CALN1: variants seen among roughly 807,000 people sequenced by gnomAD.
CALN1 encodes calcium-binding protein 8.
CALN1 carries 17 observed loss-of-function variants against 30.6 expected under a neutral mutation model. The observed-to-expected ratio is 0.56, with a 90% CI of 0.38 to 0.83. The LOEUF (loss-of-function observed/expected upper bound fraction) is 0.83, where lower values mean the gene tolerates loss of function less well. Ranked by LOEUF, CALN1 falls within the 40% of genes least tolerant of loss-of-function variation. CALN1 has a pLI of 0.00. For synonymous variants in CALN1, 156 were observed against 131.4 expected (o/e 1.19, Z -1.28); for missense variants, 291 against 354.9 (o/e 0.82, Z 1.45).
At chr7:72,110,342 G>A (rs1361874071) in intron 3 of CALN1, among the ~76,000 whole-genome samples, 3 of 152,210 alleles carry the variant, frequency 2.0e-5, no homozygotes, top group Non-Finnish European at 2.9e-5. Context: ...GATTTAGCAA[G>A]TCAGACCATA....
chr7:71,966,609 A>G (rs1797541156), intron 5 of CALN1, among the ~76,000 whole-genome samples: 1 of 152,154 alleles, frequency 6.6e-6, no homozygotes, highest in Non-Finnish European at 1.5e-5. Context: ...AAGTTTCCTG[A>G]GGCTTTTTCA....
In CALN1 at chr7:72,426,959, C is replaced by T. The variant is rs557432857; in HGVS notation, c.-225-14684G>A. 2.2e-4 allele frequency among the ~76,000 whole-genome samples: 34 copies of T among 152,242 alleles called. No homozygotes were observed. In the South Asian group the frequency reaches 6.4e-3, roughly 29 times the overall value. On this transcript the variant is annotated intron_variant, in intron 1 of 6. Transcript: ENST00000395276. ...CCACAGGAGCCCCCCATTGGCCTTC[C>T]TGCCTATTGTCTGCAGAATCAGAGC...
intron 5 of CALN1, among the ~76,000 whole-genome samples, chr7:71,923,153 G>T (rs1042363337): frequency 6.6e-6 from 1 of 151,658 alleles, no homozygotes; most frequent in Non-Finnish European, 1.5e-5. Flanking sequence ...GTTCTTTGTT[G>T]GTAAACAAGT....
chr7:72,285,564 A>T (rs954730283), intron 2 of CALN1, among the ~76,000 whole-genome samples: 8 of 152,184 alleles, frequency 5.3e-5, no homozygotes, highest in African/African-American at 1.9e-4. Context: ...TTTTTAAAGT[A>T]TCAGTCTACA....
chr7:72,145,513 C>T (rs1453031640), intron 3 of CALN1, among the ~76,000 whole-genome samples: 1 of 152,138 alleles, frequency 6.6e-6, no homozygotes, highest in African/African-American at 2.4e-5. Flanking sequence ...CAGGACCAGA[C>T]AGATTCACAG....
chr7:72,005,399 G>A (rs1053100156), intron 5 of CALN1, among the ~76,000 whole-genome samples: 3 of 152,096 alleles, frequency 2.0e-5, no homozygotes, highest in African/African-American at 7.2e-5. Context: ...CGTGATCACG[G>A]CTCACTACAG....
upstream of CALN1, among the ~76,000 whole-genome samples, chr7:72,449,386 G>T (rs1808611244): frequency 6.6e-6 from 1 of 152,146 alleles, no homozygotes; most frequent in Admixed American, 6.5e-5. Flanking sequence ...CCAGATCCTA[G>T]CCACTTCTCT....
At chr7:72,422,288 C>T (rs1249188310) in intron 1 of CALN1, among the ~76,000 whole-genome samples, 3 of 152,166 alleles carry the variant, frequency 2.0e-5, no homozygotes, top group East Asian at 1.9e-4. Context: ...TCAATGCCAA[C>T]GTCTATTGTT....
chr7:72,001,445 T>C (rs1414665203), intron 5 of CALN1, among the ~76,000 whole-genome samples: 1 of 152,210 alleles, frequency 6.6e-6, no homozygotes, highest in Non-Finnish European at 1.5e-5. Context: ...ATGTGTACTG[T>C]ACACTGTATA....
intron 3 of CALN1, among the ~76,000 whole-genome samples, chr7:72,265,831 G>GA (rs1269303529): frequency 6.6e-6 from 1 of 151,974 alleles, no homozygotes; most frequent in Admixed American, 6.6e-5. Flanking sequence ...CACCTGTTGG[G>GA]AAGGCTTTCT....
chr7:71,924,271 A>T lies in CALN1; in HGVS notation c.501+99386T>A, dbSNP rs191051934. Among the ~76,000 whole-genome samples, 934 of 106,070 alleles carry T rather than the reference A, an allele frequency of 8.8e-3. 15 individuals carry two copies. The highest frequency in any genetic ancestry group is 0.029 in the African/African-American group (907 of 30,960). 69.6% of individuals were successfully genotyped at this position (106,070 alleles called of 152,430 possible). ...AAAGATTAGGATTTCAGATCTTTTT[A>T]AAAAAGATTAGGATTTCAGATCTTT... is the stretch of plus-strand genomic sequence containing the variant. On this transcript the variant is annotated intron_variant, in intron 5 of 6. Coordinates refer to ENST00000395275, the MANE Select transcript of CALN1 (RefSeq NM_031468.4).
chr7:72,471,901 G>A, the CALN1 span, among the ~76,000 whole-genome samples: 2 of 152,100 alleles, frequency 1.3e-5, no homozygotes, highest in East Asian at 3.8e-4. Context: ...CCTGGGTCAA[G>A]GAATCCTCCT....
At chr7:72,346,971 T>C (rs1802676092) in intron 2 of CALN1, among the ~76,000 whole-genome samples, 1 of 152,054 alleles carries the variant, frequency 6.6e-6, no homozygotes, top group Non-Finnish European at 1.5e-5. Context: ...CCTGCTAATG[T>C]GTGAGAAGGA....
intron 1 of CALN1, among the ~76,000 whole-genome samples, chr7:72,436,333 G>C (rs1021061260): frequency 6.6e-6 from 1 of 152,164 alleles, no homozygotes; most frequent in African/African-American, 2.4e-5. Flanking sequence ...TTTTATAAGG[G>C]GGAGTTGCCC....
chr7:72,183,676 A>C (rs1006873639), intron 3 of CALN1, among the ~76,000 whole-genome samples: 3 of 152,238 alleles, frequency 2.0e-5, no homozygotes, highest in African/African-American at 7.2e-5. Flanking sequence ...AAAACAGGCA[A>C]GTTGCAAAAG....
chr7:71,983,470 T>C (rs1798505531), intron 5 of CALN1, among the ~76,000 whole-genome samples: 1 of 152,180 alleles, frequency 6.6e-6, no homozygotes, highest in African/African-American at 2.4e-5. Flanking sequence ...TGCACACACA[T>C]ACACACAGAG....
At chr7:71,947,249 G>A (rs890557681) in intron 5 of CALN1, among the ~76,000 whole-genome samples, 2 of 152,064 alleles carry the variant, frequency 1.3e-5, no homozygotes, top group South Asian at 2.1e-4. Flanking sequence ...GACCTCAGGC[G>A]ATCTGCCCAC....
chr7:72,197,943 A>C (rs558508316), intron 3 of CALN1, among the ~76,000 whole-genome samples: 1 of 152,324 alleles, frequency 6.6e-6, no homozygotes, highest in East Asian at 1.9e-4. Context: ...TGAGGAATTT[A>C]AGACACCTTT....
chr7:72,457,610 C>T, the CALN1 span, among the ~76,000 whole-genome samples: 4 of 152,126 alleles, frequency 2.6e-5, no homozygotes, highest in Non-Finnish European at 5.9e-5. Flanking sequence ...TTCCCTCTTC[C>T]TCCTCCTTCT....
Sources: allele counts gnomAD v4.1 joint callset (sites outside exome capture counted in the v4.1 genomes callset), GRCh38; gene constraint gnomAD v4.1.1; transcripts MANE v1.5; gene names NCBI Gene and HGNC (gene_info 2026-07-23, HGNC 2026-07-21).